GRIK1: variants seen among roughly 807,000 people sequenced by gnomAD.
GRIK1 encodes glutamate ionotropic receptor kainate type subunit 1.
A neutral mutation model predicts 105.7 loss-of-function variants in GRIK1; 69 were observed. That is an observed-to-expected ratio of 0.65 (90% CI 0.54 to 0.80). GRIK1 has a LOEUF of 0.80. Among genes scored for constraint, GRIK1 ranks in the 30% least tolerant of loss-of-function variants. The pLI is 0.00. For synonymous variants in GRIK1, 438 were observed against 431.3 expected (o/e 1.02, Z -0.19); for missense variants, 1,109 against 1,167.3 (o/e 0.95, Z 0.73).
chr21:29,598,779 C>G lies in GRIK1; in HGVS notation c.1206+51G>C, dbSNP rs1281042149. 3 of 819,416 alleles carry G rather than the reference C, an allele frequency of 3.7e-6. No homozygotes were observed. The Admixed American group carries it at 6.7e-5, about 18-fold the overall frequency. 50.8% of individuals were successfully genotyped at this position (819,416 alleles called of 1,614,324 possible). A position where few individuals can be genotyped will look rare whatever the true frequency, so the allele number is the denominator to read the frequency against. ...TTGTCTTTGCAATTTAGTAAAAATG[C>G]CTGAACAATGTTCATTTGTTATTTT... On this transcript the variant is annotated intron_variant, in intron 8 of 17. Coordinates refer to ENST00000327783, the MANE Select transcript of GRIK1 (RefSeq NM_001330994.2).
intron 15 of GRIK1, among the ~76,000 whole-genome samples, chr21:29,558,664 G>A (rs1222142635): frequency 6.6e-6 from 1 of 151,086 alleles, no homozygotes; most frequent in Non-Finnish European, 1.5e-5. Context: ...TGGCCAAAAG[G>A]AGACTGAATG....
chr21:29,668,523 A>G lies in GRIK1; in HGVS notation c.726+4460T>C, dbSNP rs537209801. 3.9e-5 allele frequency among the ~76,000 whole-genome samples: 6 copies of G among 152,304 alleles called. No homozygotes were observed. The East Asian group carries it at 1.2e-3, about 29-fold the overall frequency. ...TCGGATACTGGAGGCCAGCAAGAGG[A>G]GAAAGAGGCCAGGTCAGGTCATGCG... On this transcript the variant is annotated intron_variant, in intron 4 of 17. Coordinates refer to ENST00000327783, the MANE Select transcript of GRIK1 (RefSeq NM_001330994.2).
At chr21:29,906,898 C>T (rs1180294144) in intron 1 of GRIK1, among the ~76,000 whole-genome samples, 1 of 151,856 alleles carries the variant, frequency 6.6e-6, no homozygotes, top group Non-Finnish European at 1.5e-5. Flanking sequence ...GCAACATATT[C>T]AATACTATAT....
At chr21:29,622,551 C>T (rs969456065) in intron 7 of GRIK1, among the ~76,000 whole-genome samples, 3 of 152,124 alleles carry the variant, frequency 2.0e-5, no homozygotes, top group African/African-American at 7.2e-5. Flanking sequence ...TTCTGAGATG[C>T]CAGGGAGATC....
intron 1 of GRIK1, among the ~76,000 whole-genome samples, chr21:29,848,780 T>TATATATATATATATATA (rs1255846155): frequency 1.8e-4 from 5 of 28,428 alleles, no homozygotes; most frequent in African/African-American, 5.7e-4. Context: ...TATATATATA[T>TATATATATATATATATA]TTTTTTTTTT....
intron 1 of GRIK1, among the ~76,000 whole-genome samples, chr21:29,904,012 A>G (rs2070511169): frequency 6.6e-6 from 1 of 152,142 alleles, no homozygotes; most frequent in Non-Finnish European, 1.5e-5. Context: ...TTCTTAGCAA[A>G]CTCTCACAAG....
rs2071907089 is a variant in GRIK1, at chr21:29,939,601, T to C, written c.-101A>G. On this transcript the variant is annotated 5_prime_UTR_variant, in exon 1 of 18. Transcript: ENST00000327783. The stretch of plus-strand genomic sequence containing the variant: ...TCCCCGCCTCATCCTCTCTGGATGC[T>C]CCGGTTCCAAGCACGCTGCGCGCTC... The C allele has an allele frequency of 1.4e-6, 1 of 691,684 alleles. No homozygotes were observed. Among genetic ancestry groups the C allele is most frequent in the Non-Finnish European group, 2.4e-6 (1 of 424,488 alleles). 42.8% of individuals were successfully genotyped at this position (691,684 alleles called of 1,614,324 possible). A position where few individuals can be genotyped will look rare whatever the true frequency, so the allele number is the denominator to read the frequency against.
At position 29,560,496 on chromosome 21, in the gene GRIK1, T is replaced by TTTCC. The variant is rs772236978; in HGVS notation, c.2356+1124_2356+1127dup. On this transcript the variant is annotated intron_variant, in intron 15 of 17. Coordinates refer to ENST00000327783, the MANE Select transcript of GRIK1 (RefSeq NM_001330994.2). ...TTCTCTCTCTCCCTTTCTTTCTTTC[T>TTTCC]TTCCTTCCTTCCTTCCTTCCTTCCT... 4.6e-3 allele frequency among the ~76,000 whole-genome samples: 138 copies of TTTCC among 30,266 alleles called. 6 individuals carry two copies. The highest frequency in any genetic ancestry group is 6.0e-3 in the Non-Finnish European group (108 of 17,934). The allele number at this position is 30,266 out of a possible 152,430, so 19.9% of individuals were successfully genotyped here.
intron 1 of GRIK1, among the ~76,000 whole-genome samples, chr21:29,775,148 C>A (rs1049776817): frequency 2.6e-5 from 4 of 151,866 alleles, no homozygotes; most frequent in Admixed American, 2.0e-4. Context: ...GAAACCCCGT[C>A]TCTACTGAAA....
intron 3 of GRIK1, among the ~76,000 whole-genome samples, chr21:29,679,213 A>T (rs949911872): frequency 2.6e-5 from 4 of 152,214 alleles, no homozygotes; most frequent in Admixed American, 6.5e-5. Flanking sequence ...ACTGTTAGGG[A>T]TGCTATTCTC....
intron 7 of GRIK1, among the ~76,000 whole-genome samples, chr21:29,623,375 G>A (rs1396896647): frequency 6.6e-6 from 1 of 151,782 alleles, no homozygotes; most frequent in Non-Finnish European, 1.5e-5. Context: ...CGAGATTTGG[G>A]TGGGGACACA....
intron 1 of GRIK1, among the ~76,000 whole-genome samples, chr21:29,782,269 G>C (rs1328722152): frequency 2.6e-5 from 4 of 151,338 alleles, no homozygotes; most frequent in Non-Finnish European, 4.4e-5. Flanking sequence ...TGTATTTTTA[G>C]TAGAGACAGG....
intron 1 of GRIK1, among the ~76,000 whole-genome samples, chr21:29,813,467 C>T (rs1159356204): frequency 6.6e-6 from 1 of 152,126 alleles, no homozygotes. Context: ...ATCATTATCA[C>T]AGAGAGTGAC....
intron 4 of GRIK1, among the ~76,000 whole-genome samples, chr21:29,665,749 A>G (rs552921904): frequency 6.6e-6 from 1 of 152,314 alleles, no homozygotes; most frequent in South Asian, 2.1e-4. Flanking sequence ...CATCAACAGA[A>G]TTTCTCAAAG....
At position 29,666,194 on chromosome 21, in the gene GRIK1, G is replaced by A. The variant is rs2063056228; in HGVS notation, c.726+6789C>T. ...CAAGGCAGGCGGATCACCTGAGGTC[G>A]GGAGTTTGAGACCAGCCTGACCAAC... is the stretch of plus-strand genomic sequence containing the variant. On this transcript the variant is annotated intron_variant, in intron 4 of 17. Transcript: ENST00000327783. 2.0e-5 allele frequency among the ~76,000 whole-genome samples: 3 copies of A among 152,150 alleles called. No individual in the cohort carries two copies. The Middle Eastern group carries it at 0.01, about 518-fold the overall frequency.
intron 1 of GRIK1, among the ~76,000 whole-genome samples, chr21:29,865,714 C>T (rs2068779098): frequency 6.6e-6 from 1 of 152,162 alleles, no homozygotes; most frequent in Non-Finnish European, 1.5e-5. Context: ...AAATGTGTGT[C>T]CCAATATTAA....
At position 29,633,294 on chromosome 21, in the gene GRIK1, C is replaced by T. The variant is rs116439714; in HGVS notation, c.1098+9532G>A. Among the ~76,000 whole-genome samples, 673 of 152,186 alleles carry T rather than the reference C, an allele frequency of 4.4e-3. 3 individuals are homozygous for T. The highest frequency in any genetic ancestry group is 0.015 in the African/African-American group (634 of 41,514). On this transcript the variant is annotated intron_variant, in intron 7 of 17. Transcript: ENST00000327783. Reference sequence around the variant, plus strand: ...GGTGGGCAGATCATGAAGTCAAGAGCTGGAGATTATCCTGGCCAACATGGT... The same window carrying T: ...GGTGGGCAGATCATGAAGTCAAGAGTTGGAGATTATCCTGGCCAACATGGT...
intron 1 of GRIK1, among the ~76,000 whole-genome samples, chr21:29,882,447 T>C (rs190313467): frequency 3.3e-5 from 5 of 152,216 alleles, no homozygotes; most frequent in Admixed American, 2.0e-4. Flanking sequence ...TACTCCACGA[T>C]TGAGAAGAAT....
chr21:29,803,092 G>A (rs939897918), intron 1 of GRIK1, among the ~76,000 whole-genome samples: 6 of 151,902 alleles, frequency 3.9e-5, no homozygotes, highest in Non-Finnish European at 5.9e-5. Flanking sequence ...GGATATTTAC[G>A]ATCTGAATTT....
Sources: allele counts gnomAD v4.1 joint callset (sites outside exome capture counted in the v4.1 genomes callset), GRCh38; gene constraint gnomAD v4.1.1; transcripts MANE v1.5; gene names NCBI Gene and HGNC (gene_info 2026-07-23, HGNC 2026-07-21).